SLC24A2: variants seen among roughly 807,000 people sequenced by gnomAD.
SLC24A2 encodes sodium/potassium/calcium exchanger 2.
In SLC24A2, 36 loss-of-function variants were observed where a neutral mutation model predicts 62.0. That is an observed-to-expected ratio of 0.58 (90% confidence interval 0.44 to 0.77). The LOEUF (loss-of-function observed/expected upper bound fraction) is 0.77, where lower values mean the gene tolerates loss of function less well. Among genes scored for constraint, SLC24A2 ranks in the 30% least tolerant of loss-of-function variants. The pLI is 0.00. For synonymous variants in SLC24A2, 358 were observed against 294.0 expected (o/e 1.22, Z -2.23); for missense variants, 846 against 817.9 (o/e 1.03, Z -0.42).
At chr9:19,828,997 T>A in the SLC24A2 span, among the ~76,000 whole-genome samples, 24 of 152,132 alleles carry the variant, frequency 1.6e-4, no homozygotes, top group Non-Finnish European at 2.5e-4. Context: ...GCCTACTAAT[T>A]CCCAGACCGA....
chr9:20,249,986 AC>A, the SLC24A2 span, among the ~76,000 whole-genome samples: 1 of 152,218 alleles, frequency 6.6e-6, no homozygotes, highest in Non-Finnish European at 1.5e-5. Context: ...CAGAAAATTT[AC>A]ATTTATAAAT....
At chr9:19,797,946 A>G in the SLC24A2 span, among the ~76,000 whole-genome samples, 3 of 152,152 alleles carry the variant, frequency 2.0e-5, no homozygotes, top group African/African-American at 4.8e-5. Context: ...TTGGTTTTCT[A>G]TTGTAGGCTG....
chr9:19,731,955 A>G (rs911883860), intron 2 of SLC24A2, among the ~76,000 whole-genome samples: 6 of 152,186 alleles, frequency 3.9e-5, no homozygotes, highest in African/African-American at 1.4e-4. Flanking sequence ...TGTCTGTGAA[A>G]TGAGTATGAC....
rs183096745 is a variant in SLC24A2 at position 19,586,718 on chromosome 9, G to A, written c.1130-9696C>T. On this transcript the variant is annotated intron_variant, in intron 5 of 10. Transcript: ENST00000341998. Reference sequence around the variant, plus strand: ...CAGGAAAAGGGCCAACTTACTGATCGTGGCCGTTTCTGACAGTGCTTGAGA... The same window carrying A: ...CAGGAAAAGGGCCAACTTACTGATCATGGCCGTTTCTGACAGTGCTTGAGA... Among the ~76,000 whole-genome samples the A allele has an allele frequency of 1.6e-3, 251 of 152,200 alleles. 1 individual carries two copies. The highest frequency in any genetic ancestry group is 2.4e-3 in the Admixed American group (36 of 15,288).
At chr9:19,735,540 G>A (rs1297144488) in intron 2 of SLC24A2, among the ~76,000 whole-genome samples, 6 of 152,116 alleles carry the variant, frequency 3.9e-5, no homozygotes, top group East Asian at 3.9e-4. Flanking sequence ...TCATGCTGCT[G>A]TAAAGACACA....
the SLC24A2 span, among the ~76,000 whole-genome samples, chr9:20,044,863 T>C: frequency 6.6e-6 from 1 of 152,100 alleles, no homozygotes; most frequent in Non-Finnish European, 1.5e-5. Flanking sequence ...CACTCATACT[T>C]GGTTGTTTTT....
chr9:19,953,231 G>A, the SLC24A2 span, among the ~76,000 whole-genome samples: 1 of 151,762 alleles, frequency 6.6e-6, no homozygotes, highest in Non-Finnish European at 1.5e-5. Context: ...TCTGTTGTTT[G>A]TCCATTCTCT....
chr9:20,223,895 G>A, the SLC24A2 span, among the ~76,000 whole-genome samples: 388 of 152,268 alleles, frequency 2.5e-3, no homozygotes, highest in African/African-American at 8.7e-3. Context: ...AGTTCTGCAT[G>A]GCTGAGGAGG....
In SLC24A2 at chr9:19,600,975, C is replaced by A. The variant is rs185670339; in HGVS notation, c.1079-3696G>T. On this transcript the variant is annotated intron_variant, in intron 4 of 10. Transcript: ENST00000341998. ...GTATTGTTTTGAGAAGTGAAGCCAGCTGGACTTCCTGGGTCTAGTGGGGAC... is the reference window on the plus strand; with the variant it reads ...GTATTGTTTTGAGAAGTGAAGCCAGATGGACTTCCTGGGTCTAGTGGGGAC... Among the ~76,000 whole-genome samples the A allele has an allele frequency of 3.5e-4, 53 of 152,300 alleles. No homozygotes were observed. In the East Asian group the frequency reaches 9.3e-3, roughly 27 times the overall value.
chr9:20,288,118 T>G, the SLC24A2 span, among the ~76,000 whole-genome samples: 2 of 151,950 alleles, frequency 1.3e-5, no homozygotes, highest in Admixed American at 6.6e-5. Flanking sequence ...CAGAGAGAAA[T>G]GAGTTTTAGA....
chr9:20,186,919 G>A, the SLC24A2 span, among the ~76,000 whole-genome samples: 1 of 152,184 alleles, frequency 6.6e-6, no homozygotes, highest in Non-Finnish European at 1.5e-5. Flanking sequence ...GGGCAGGGGT[G>A]TGGGTGGGAG....
the SLC24A2 span, among the ~76,000 whole-genome samples, chr9:20,182,284 G>A: frequency 6.6e-6 from 1 of 152,030 alleles, no homozygotes; most frequent in Non-Finnish European, 1.5e-5. Flanking sequence ...CCCATTACTG[G>A]GTATATACCC....
the SLC24A2 span, among the ~76,000 whole-genome samples, chr9:19,917,377 T>C: frequency 1.3e-5 from 2 of 149,780 alleles, no homozygotes; most frequent in African/African-American, 4.9e-5. Context: ...TGGCATTTAG[T>C]CTGCACTTTT....
the SLC24A2 span, among the ~76,000 whole-genome samples, chr9:20,256,634 G>C: frequency 2.0e-5 from 3 of 152,078 alleles, no homozygotes; most frequent in African/African-American, 7.2e-5. Context: ...TATAAATGCT[G>C]TGGGATTCCT....
chr9:20,213,569 C>T, the SLC24A2 span, among the ~76,000 whole-genome samples: 1 of 152,078 alleles, frequency 6.6e-6, no homozygotes, highest in Non-Finnish European at 1.5e-5. Context: ...CCAACCTTCT[C>T]TGCTTAATCT....
At chr9:20,011,645 G>A in the SLC24A2 span, among the ~76,000 whole-genome samples, 5 of 152,136 alleles carry the variant, frequency 3.3e-5, no homozygotes, top group Admixed American at 3.3e-4. Flanking sequence ...CATATTTAAG[G>A]AAGTAATGGC....
At chr9:19,648,671 G>A (rs964247403) in intron 2 of SLC24A2, among the ~76,000 whole-genome samples, 1 of 152,162 alleles carries the variant, frequency 6.6e-6, no homozygotes. Flanking sequence ...TGGGCAGGAG[G>A]AACCGAGGTA....
chr9:19,734,159 T>C (rs1320223423), intron 2 of SLC24A2, among the ~76,000 whole-genome samples: 5 of 152,222 alleles, frequency 3.3e-5, no homozygotes, highest in African/African-American at 1.2e-4. Context: ...TCCCCATTGC[T>C]TGTTTTTGTC....
At chr9:20,272,240 C>A in the SLC24A2 span, among the ~76,000 whole-genome samples, 1 of 152,072 alleles carries the variant, frequency 6.6e-6, no homozygotes, top group Non-Finnish European at 1.5e-5. Flanking sequence ...TTTTTGAGAC[C>A]GCCTAAAAGG....
Sources: gnomAD v4.1 joint callset for allele counts (sites outside exome capture counted in the v4.1 genomes callset) on GRCh38, gnomAD v4.1.1 for gene constraint, MANE v1.5 for transcripts, NCBI Gene and HGNC (gene_info 2026-07-23, HGNC 2026-07-21) for gene names.